The following CAPN9 variants were observed in gnomAD, a reference collection of about 807,000 sequenced individuals.
CAPN9 encodes the protein calpain 9.
Under a neutral mutation model 92.8 loss-of-function variants are expected in CAPN9, and 81 were observed. The ratio of observed to expected loss-of-function variants is 0.87; its 90% CI spans 0.73 to 1.05. The LOEUF (loss-of-function observed/expected upper bound fraction) is 1.05, where lower values mean the gene tolerates loss of function less well. CAPN9 is among the 50% of genes least tolerant of loss of function. The pLI, the probability that CAPN9 is intolerant of heterozygous loss-of-function variation, is 0.00. For synonymous variants in CAPN9, 304 were observed against 328.0 expected (o/e 0.93, Z 0.79); for missense variants, 848 against 866.2 (o/e 0.98, Z 0.26).
intron 5 of CAPN9, among the ~76,000 whole-genome samples, chr1:230,768,057 A>AAAT (rs1666123030): frequency 2.5e-5 from 2 of 80,592 alleles, no homozygotes; most frequent in Non-Finnish European, 6.4e-5. Context: ...AATAAATAAA[A>AAAT]AATAAAATAA....
At position 230,797,461 on chromosome 1, in the gene CAPN9, A is replaced by G. The variant is rs978476156; in HGVS notation, c.1988-701A>G. 2.0e-5 allele frequency among the ~76,000 whole-genome samples: 3 copies of G among 151,800 alleles called. No homozygotes were observed. The South Asian group carries it at 6.3e-4, about 32-fold the overall frequency. On this transcript the variant is annotated intron_variant, in intron 18 of 19. Transcript: ENST00000271971. ...CCACCTTTTTACAGTTGCTTGGTTG[A>G]CTCAGGATCCACACAAGACCCAGTC...
intron 1 of CAPN9, among the ~76,000 whole-genome samples, chr1:230,751,144 CCT>C (rs941745368): frequency 6.6e-5 from 10 of 152,216 alleles, no homozygotes; most frequent in African/African-American, 2.2e-4. Context: ...GTGAACAACC[CCT>C]GTGGCAGACC....
intron 12 of CAPN9, among the ~76,000 whole-genome samples, chr1:230,787,217 A>G (rs1667653935): frequency 6.6e-6 from 1 of 152,228 alleles, no homozygotes; most frequent in African/African-American, 2.4e-5. Flanking sequence ...AGCCAGAGGA[A>G]GGGCAGGAAG....
intron 13 of CAPN9, among the ~76,000 whole-genome samples, chr1:230,787,993 C>CTA: frequency 6.6e-6 from 1 of 152,136 alleles, no homozygotes; most frequent in East Asian, 1.9e-4. Context: ...GTAGCCGGGA[C>CTA]TATAGGCACA....
Position 230,759,561 on chromosome 1 carries a change from A to G in CAPN9, c.333A>G (p.Lys111=), listed in dbSNP as rs748866874. 2.5e-6 allele frequency: 4 copies of G among 1,611,856 alleles called. No homozygotes were observed. Among genetic ancestry groups the G allele is most frequent in the South Asian group, 2.2e-5 (2 of 90,306 alleles). The change falls in exon 3 of 20, where the codon AAA becomes AAG. Residue 111 remains lysine, a synonymous_variant. Coordinates refer to ENST00000271971, the MANE Select transcript of CAPN9 (RefSeq NM_006615.3). The part of the protein sequence containing the change: ...AAIASLTLNQ[K]ALARVIPQDQ... The stretch of plus-strand genomic sequence containing the variant: ...TCGCCTCCCTTACGCTTAATCAAAA[A>G]GCACTGGCCAGAGTCATCCCCCAGG...
chr1:230,800,260 AAGAAAG>A (rs1371345766), intron 19 of CAPN9, among the ~76,000 whole-genome samples: 1 of 131,046 alleles, frequency 7.6e-6, no homozygotes, highest in African/African-American at 2.9e-5. Context: ...GAAAGAAAGA[AAGAAAG>A]AAAGAAAGAA....
chr1:230,800,539 A>G (rs535865279), intron 19 of CAPN9, among the ~76,000 whole-genome samples: 1 of 152,168 alleles, frequency 6.6e-6, no homozygotes, highest in South Asian at 2.1e-4. Flanking sequence ...AGAAGTGTGG[A>G]CACCTCTAAC....
intron 6 of CAPN9, among the ~76,000 whole-genome samples, chr1:230,770,291 C>A (rs914163485): frequency 7.2e-5 from 11 of 152,128 alleles, no homozygotes; most frequent in Non-Finnish European, 1.5e-4. Flanking sequence ...GACGGATGTC[C>A]CAGCTCAGGC....
At chr1:230,793,577 A>G (rs1330093841) in intron 17 of CAPN9, among the ~76,000 whole-genome samples, 2 of 151,834 alleles carry the variant, frequency 1.3e-5, no homozygotes, top group African/African-American at 4.8e-5. Flanking sequence ...CGCTCTGCAG[A>G]CCTCCCGCCT....
chr1:230,749,260 C>T (rs1183806348), intron 1 of CAPN9, among the ~76,000 whole-genome samples: 2 of 152,156 alleles, frequency 1.3e-5, no homozygotes, highest in Non-Finnish European at 2.9e-5. Flanking sequence ...TGTGAGGTCA[C>T]GGCACTGGCA....
intron 18 of CAPN9, among the ~76,000 whole-genome samples, chr1:230,797,840 C>T (rs1225830640): frequency 6.6e-6 from 1 of 152,128 alleles, no homozygotes; most frequent in Non-Finnish European, 1.5e-5. Context: ...TTTTCTGGGG[C>T]CTATGGATTT....
intron 12 of CAPN9, chr1:230,786,278 T>C: frequency 2.2e-6 from 1 of 455,492 alleles, no homozygotes; most frequent in Non-Finnish European, 2.9e-6. Flanking sequence ...TCTGTGCTAC[T>C]GTCAACTGAA....
At position 230,787,580 on chromosome 1, in the gene CAPN9, T is replaced by G. The variant is rs750634517; in HGVS notation, c.1577T>G (p.Leu526Arg). 3.1e-6 allele frequency: 5 copies of G among 1,614,088 alleles called. No individual in the cohort carries two copies. In the African/African-American group the frequency reaches 4.0e-5, roughly 13 times the overall value. ...ETEEEQRFRA[L>R]FEQVAGEDME... ...GAGGAGGAGCAGCGGTTTCGGGCTC[T>G]GTTTGAACAAGTCGCTGGTGAGGTA... The change falls in exon 13 of 20, where the codon CTG becomes CGG. Residue 526 changes from leucine (L) to arginine (R), a missense_variant. Transcript: ENST00000271971.
intron 19 of CAPN9, among the ~76,000 whole-genome samples, chr1:230,800,277 A>G (rs1396861555): frequency 7.4e-6 from 1 of 135,314 alleles, no homozygotes; most frequent in African/African-American, 2.8e-5. Context: ...AAAGAAAGAA[A>G]GAAAGAAAGA....
Position 230,792,861 on chromosome 1 carries a change from T to A in CAPN9, c.1803T>A (p.Leu601=), listed in dbSNP as rs1352649963. Residue 601 remains leucine, a synonymous_variant, in exon 17 of 20, where the codon CTT becomes CTA. Transcript: ENST00000271971. ...TCTCCACCCTTTAGAACCTTTTCCT[T>A]CGGTTTGATGCTGACAAGTCCGGCA... ...DKLKQWINLF[L]RFDADKSGTM... 1 of 1,614,024 alleles carries A rather than the reference T, an allele frequency of 6.2e-7. No homozygotes were observed. The highest frequency in any genetic ancestry group is 1.1e-5 in the South Asian group (1 of 91,082).
At chr1:230,772,386 C>T (rs1666440982) in intron 7 of CAPN9, among the ~76,000 whole-genome samples, 1 of 152,146 alleles carries the variant, frequency 6.6e-6, no homozygotes, top group Non-Finnish European at 1.5e-5. Flanking sequence ...TGTTTATAAC[C>T]CAGTGATATG....
At chr1:230,765,115 C>T (rs1665887940) in intron 4 of CAPN9, among the ~76,000 whole-genome samples, 2 of 151,876 alleles carry the variant, frequency 1.3e-5, no homozygotes, top group South Asian at 4.2e-4. Context: ...CTGGGGCATA[C>T]ACACATACAT....
At chr1:230,757,330 C>T (rs899966176) in intron 2 of CAPN9, among the ~76,000 whole-genome samples, 2 of 152,286 alleles carry the variant, frequency 1.3e-5, no homozygotes, top group Non-Finnish European at 2.9e-5. Context: ...CCTCCCTTCC[C>T]CTCGACCCCG....
intron 11 of CAPN9, among the ~76,000 whole-genome samples, chr1:230,783,034 T>A (rs1667334245): frequency 1.3e-5 from 2 of 152,126 alleles, no homozygotes; most frequent in Admixed American, 1.3e-4. Flanking sequence ...TGGTGGTTTT[T>A]TTGGTTCTGA....
Sources: allele counts gnomAD v4.1 joint callset (sites outside exome capture counted in the v4.1 genomes callset), GRCh38; gene constraint gnomAD v4.1.1; transcripts MANE v1.5; gene names NCBI Gene and HGNC (gene_info 2026-07-23, HGNC 2026-07-21).